Variants in PTPRD observed in about 807,000 individuals in gnomAD.
PTPRD encodes receptor-type tyrosine-protein phosphatase delta.
A neutral mutation model predicts 214.5 loss-of-function variants in PTPRD; 34 were observed. That is an observed-to-expected ratio of 0.16 (90% CI 0.12 to 0.21). The LOEUF (loss-of-function observed/expected upper bound fraction) is 0.21, where lower values mean the gene tolerates loss of function less well. Ranked by LOEUF, PTPRD falls within the 10% of genes least tolerant of loss-of-function variation. The pLI, the probability that PTPRD is intolerant of heterozygous loss-of-function variation, is 1.00. For missense variants in PTPRD, 2,545 were observed against 2,398.7 expected (o/e 1.06, Z -1.27); for synonymous variants, 1,128 against 845.7 (o/e 1.33, Z -5.79).
intron 8 of PTPRD, among the ~76,000 whole-genome samples, chr9:9,469,997 T>C (rs2094480243): frequency 6.6e-6 from 1 of 151,868 alleles, no homozygotes; most frequent in South Asian, 2.1e-4. Flanking sequence ...TAAAAGAAAA[T>C]GAATACTGGG....
At chr9:8,431,694 A>G (rs867035747) in intron 35 of PTPRD, among the ~76,000 whole-genome samples, 5 of 152,320 alleles carry the variant, frequency 3.3e-5, no homozygotes, top group Non-Finnish European at 1.5e-5. Context: ...GAGCACCTGC[A>G]TCAAAGTCAC....
chr9:10,381,593 A>G (rs1432892819), intron 2 of PTPRD, among the ~76,000 whole-genome samples: 2 of 151,978 alleles, frequency 1.3e-5, no homozygotes, highest in Admixed American at 6.6e-5. Context: ...TGTTAGTCTA[A>G]CCTGTTATCT....
At chr9:8,904,039 T>C (rs1218101718) in intron 11 of PTPRD, among the ~76,000 whole-genome samples, 1 of 152,156 alleles carries the variant, frequency 6.6e-6, no homozygotes, top group Non-Finnish European at 1.5e-5. Flanking sequence ...TTCTGAAAAA[T>C]TTCAAATTTA....
intron 5 of PTPRD, among the ~76,000 whole-genome samples, chr9:9,879,305 C>T (rs2067884236): frequency 6.6e-6 from 1 of 152,038 alleles, no homozygotes; most frequent in African/African-American, 2.4e-5. Flanking sequence ...TAGTAGCATC[C>T]CTGGCCTCTA....
At chr9:8,718,083 G>C (rs894445011) in intron 12 of PTPRD, among the ~76,000 whole-genome samples, 3 of 152,330 alleles carry the variant, frequency 2.0e-5, no homozygotes, top group Admixed American at 6.5e-5. Flanking sequence ...AGACCTGAAA[G>C]GCAAAGCTGT....
intron 9 of PTPRD, among the ~76,000 whole-genome samples, chr9:9,357,203 T>G (rs2054133949): frequency 6.6e-6 from 1 of 151,366 alleles, no homozygotes; most frequent in African/African-American, 2.4e-5. Context: ...GTTTCATAAA[T>G]ACTGTGAGAA....
intron 5 of PTPRD, among the ~76,000 whole-genome samples, chr9:9,801,548 G>C (rs754537604): frequency 6.6e-6 from 1 of 152,010 alleles, no homozygotes; most frequent in Admixed American, 6.6e-5. Context: ...GGTATATAAA[G>C]GGAGCATATT....
rs150409717 is a variant in PTPRD at position 9,011,340 on chromosome 9, T to C, written c.-104+7357A>G. Among the ~76,000 whole-genome samples, 769 of 152,292 alleles carry C rather than the reference T, an allele frequency of 5.0e-3. 8 individuals are homozygous for C. Among genetic ancestry groups the C allele is most frequent in the African/African-American group, 0.018 (735 of 41,562 alleles). ...CCTGGAGCTTTTCATTTAAATATCA[T>C]AGAATTAAGTGGTTATTTGAGAAAA... On this transcript the variant is annotated intron_variant, in intron 11 of 45. Transcript: ENST00000381196.
At chr9:10,366,099 C>G (rs1319419585) in intron 2 of PTPRD, among the ~76,000 whole-genome samples, 3 of 151,998 alleles carry the variant, frequency 2.0e-5, no homozygotes, top group Non-Finnish European at 2.9e-5. Context: ...TGCTGTGGTC[C>G]CAATGTAGGT....
chr9:9,156,168 A>C (rs2099881016), intron 10 of PTPRD, among the ~76,000 whole-genome samples: 2 of 152,188 alleles, frequency 1.3e-5, no homozygotes, highest in Admixed American at 1.3e-4. Context: ...TTCTGAGAAA[A>C]GCAATCTTTG....
At chr9:9,486,024 G>A (rs1270449602) in intron 8 of PTPRD, among the ~76,000 whole-genome samples, 11 of 151,846 alleles carry the variant, frequency 7.2e-5, no homozygotes, top group South Asian at 2.1e-4. Flanking sequence ...GGTGGCTTAC[G>A]CCTGTAGTCC....
intron 8 of PTPRD, among the ~76,000 whole-genome samples, chr9:9,551,009 G>A (rs1316093556): frequency 6.6e-6 from 1 of 151,860 alleles, no homozygotes; most frequent in Non-Finnish European, 1.5e-5. Context: ...AGTTCCTAGA[G>A]TTATCTGAAA....
In PTPRD at chr9:8,733,966, GAA is replaced by G. The variant is rs1565652153; in HGVS notation, c.-103-22_-103-21del. ...CAGAGCCTGAAAGCGGGGAGGAAGA[GAA>G]AAGAAAAGGAAGAAAACACAAAAGT... is the stretch of plus-strand genomic sequence containing the variant. On this transcript the variant is annotated intron_variant, in intron 11 of 45. Transcript: ENST00000381196. The G allele has an allele frequency of 2.1e-6, 2 of 972,050 alleles. No homozygotes were observed. The highest frequency in any genetic ancestry group is 3.1e-6 in the Non-Finnish European group (2 of 642,834). The allele number at this position is 972,050 out of a possible 1,614,324, so 60.2% of individuals were successfully genotyped here. A position where few individuals can be genotyped will look rare whatever the true frequency, so the allele number is the denominator to read the frequency against.
intron 9 of PTPRD, among the ~76,000 whole-genome samples, chr9:9,312,410 T>C (rs1403923038): frequency 6.6e-6 from 1 of 152,166 alleles, no homozygotes; most frequent in Non-Finnish European, 1.5e-5. Flanking sequence ...TGTCTTTGAA[T>C]AACATCATTT....
At chr9:8,680,972 G>GA (rs1011240609) in intron 12 of PTPRD, among the ~76,000 whole-genome samples, 17 of 152,230 alleles carry the variant, frequency 1.1e-4, no homozygotes, top group African/African-American at 4.1e-4. Flanking sequence ...GGGAAGAGGA[G>GA]AAAGAACACA....
At chr9:10,095,879 G>A (rs149402508) in intron 3 of PTPRD, among the ~76,000 whole-genome samples, 1 of 151,348 alleles carries the variant, frequency 6.6e-6, no homozygotes, top group Non-Finnish European at 1.5e-5. Flanking sequence ...AAAGCACAAG[G>A]GTCATATGTA....
chr9:10,180,604 CAA>C lies in PTPRD; in HGVS notation c.-544-146816_-544-146815del, dbSNP rs1288616582. 5.2e-3 allele frequency among the ~76,000 whole-genome samples: 397 copies of C among 76,142 alleles called. 1 individual carries two copies. The highest frequency in any genetic ancestry group is 0.018 in the African/African-American group (360 of 20,350). The allele number at this position is 76,142 out of a possible 152,430, so 50.0% of individuals were successfully genotyped here. A position where few individuals can be genotyped will look rare whatever the true frequency, so the allele number is the denominator to read the frequency against. On this transcript the variant is annotated intron_variant, in intron 3 of 45. Transcript: ENST00000381196. ...TTTGATACCAAAACCAGATAAAGTACAAAAAAAAAAAAAAAAAACTCATGGGC... is the reference window on the plus strand; with the variant it reads ...TTTGATACCAAAACCAGATAAAGTACAAAAAAAAAAAAAAAACTCATGGGC...
At chr9:9,430,536 G>T (rs903130662) in intron 8 of PTPRD, among the ~76,000 whole-genome samples, 1 of 152,056 alleles carries the variant, frequency 6.6e-6, no homozygotes, top group Non-Finnish European at 1.5e-5. Context: ...TTTCTTCACA[G>T]AATTGGAAAA....
intron 8 of PTPRD, among the ~76,000 whole-genome samples, chr9:9,442,576 T>C (rs1222978783): frequency 8.5e-5 from 13 of 152,210 alleles, no homozygotes; most frequent in Admixed American, 7.9e-4. Context: ...TAAATGACTG[T>C]CAAGTTCTCT....
Sources: gnomAD v4.1 joint callset for allele counts (sites outside exome capture counted in the v4.1 genomes callset) on GRCh38, gnomAD v4.1.1 for gene constraint, MANE v1.5 for transcripts, NCBI Gene and HGNC (gene_info 2026-07-23, HGNC 2026-07-21) for gene names.